SPAG16: variants seen among roughly 807,000 people sequenced by gnomAD.
The protein encoded by SPAG16 is sperm-associated antigen 16 protein.
In SPAG16, 86 loss-of-function variants were observed where a neutral mutation model predicts 80.4. The ratio of observed to expected loss-of-function variants is 1.07; its 90% confidence interval spans 0.90 to 1.28. SPAG16 has a LOEUF of 1.28. Ranked by LOEUF, SPAG16 falls within the 50% of genes most tolerant of loss-of-function variation. The pLI is 0.00. For synonymous variants in SPAG16, 294 were observed against 265.9 expected (o/e 1.11, Z -1.03); for missense variants, 870 against 765.3 (o/e 1.14, Z -1.61).
intron 10 of SPAG16, among the ~76,000 whole-genome samples, chr2:213,539,522 T>C (rs2076358720): frequency 6.6e-6 from 1 of 152,186 alleles, no homozygotes; most frequent in African/African-American, 2.4e-5. Flanking sequence ...GTTTTCACTA[T>C]AGAATGTTTG....
Position 213,572,895 on chromosome 2 carries a change from G to A in SPAG16, c.1070+82805G>A, listed in dbSNP as rs1250885942. Among the ~76,000 whole-genome samples the A allele has an allele frequency of 5.3e-5, 8 of 152,248 alleles. 1 individual carries two copies. The South Asian group carries it at 8.3e-4, about 16-fold the overall frequency. On this transcript the variant is annotated intron_variant, in intron 10 of 15. Transcript: ENST00000331683. ...CTGTGCTAGCAATCAGTGAGACTCC[G>A]TGGGCGTAGGACCCTCCGAGCCAGG...
chr2:213,421,507 G>C (rs977889713), intron 9 of SPAG16, among the ~76,000 whole-genome samples: 1 of 152,166 alleles, frequency 6.6e-6, no homozygotes, highest in African/African-American at 2.4e-5. Context: ...GAAAAATGTG[G>C]GTCCCTGGTG....
At chr2:213,995,417 T>C (rs2046469909) in intron 12 of SPAG16, among the ~76,000 whole-genome samples, 1 of 152,360 alleles carries the variant, frequency 6.6e-6, no homozygotes, top group East Asian at 1.9e-4. Context: ...CTTTCTCTTC[T>C]TGCCATGAAT....
At chr2:213,583,747 T>C (rs750665026) in intron 10 of SPAG16, among the ~76,000 whole-genome samples, 21 of 152,196 alleles carry the variant, frequency 1.4e-4, no homozygotes, top group Admixed American at 3.3e-4. Flanking sequence ...CCATATTTGA[T>C]CTTCATTATG....
intron 15 of SPAG16, among the ~76,000 whole-genome samples, chr2:214,330,915 G>C (rs746000005): frequency 2.0e-5 from 3 of 152,180 alleles, no homozygotes; most frequent in Non-Finnish European, 4.4e-5. Context: ...TCATCTGGGA[G>C]CAGCACCTCA....
intron 10 of SPAG16, among the ~76,000 whole-genome samples, chr2:213,767,523 A>C (rs1427432223): frequency 2.6e-5 from 4 of 152,046 alleles, no homozygotes; most frequent in African/African-American, 9.7e-5. Flanking sequence ...AAAATAAATT[A>C]GCCAGGCGGT....
chr2:213,432,107 A>G (rs1490581710), intron 9 of SPAG16, among the ~76,000 whole-genome samples: 1 of 152,156 alleles, frequency 6.6e-6, no homozygotes, highest in Non-Finnish European at 1.5e-5. Flanking sequence ...GCTCAGAGGC[A>G]AGTTGATAGG....
intron 13 of SPAG16, among the ~76,000 whole-genome samples, chr2:214,073,232 C>CTT (rs67988930): frequency 7.1e-6 from 1 of 141,072 alleles, no homozygotes; most frequent in Non-Finnish European, 1.6e-5. Flanking sequence ...GAAATTTTTT[C>CTT]TTTTTTTTTT....
At chr2:213,918,642 A>C (rs1298976265) in intron 11 of SPAG16, among the ~76,000 whole-genome samples, 1 of 152,152 alleles carries the variant, frequency 6.6e-6, no homozygotes, top group Non-Finnish European at 1.5e-5. Context: ...CATGTAAGAC[A>C]TGCCTTTTAC....
In SPAG16 at chr2:214,410,227, A is replaced by G. The variant is rs1702224191; in HGVS notation, c.1808A>G (p.Glu603Gly). The G allele has an allele frequency of 6.2e-7, 1 of 1,613,654 alleles. No homozygotes were observed. The highest frequency in any genetic ancestry group is 2.2e-5 in the East Asian group (1 of 44,866). Residue 603 changes from glutamate to glycine, a missense_variant, in exon 16 of 16, where the codon GAA becomes GGA. By Grantham distance (98) the Glu-to-Gly change is moderately conservative (BLOSUM62 -2). Transcript: ENST00000331683. The part of the protein sequence containing the change: ...SGEIHKLMGH[E>G]NEAHTVVFSH... ...GAGATTCACAAATTGATGGGCCACG[A>G]AAACGAGGCACACACGGTTGTGTTT... is the stretch of plus-strand genomic sequence containing the variant.
At chr2:214,165,595 T>A (rs559280786) in intron 15 of SPAG16, among the ~76,000 whole-genome samples, 75 of 146,698 alleles carry the variant, frequency 5.1e-4, no homozygotes, top group Middle Eastern at 3.5e-3. Flanking sequence ...TGCCTGGGCC[T>A]AAACTATTCT....
chr2:214,323,760 T>C (rs1244564497), intron 15 of SPAG16, among the ~76,000 whole-genome samples: 1 of 152,240 alleles, frequency 6.6e-6, no homozygotes, highest in African/African-American at 2.4e-5. Flanking sequence ...CAAATTATTG[T>C]TTCCTTAACA....
In SPAG16 at chr2:213,334,720, A is replaced by T. The variant is rs79915777; in HGVS notation, c.537-5443A>T. On this transcript the variant is annotated intron_variant, in intron 5 of 15. Coordinates refer to ENST00000331683, the MANE Select transcript of SPAG16 (RefSeq NM_024532.5). ...CCAGGCATGGAAAGACAAATTTCAC[A>T]TGTTCTCATTTATCTGTGGAATCTA... 8.5e-3 allele frequency among the ~76,000 whole-genome samples: 1,288 copies of T among 152,340 alleles called. 17 individuals are homozygous for T. The highest frequency in any genetic ancestry group is 0.029 in the African/African-American group (1,201 of 41,578).
At chr2:213,626,499 ATTAGT>A (rs1464782930) in intron 10 of SPAG16, among the ~76,000 whole-genome samples, 17 of 152,176 alleles carry the variant, frequency 1.1e-4, no homozygotes, top group African/African-American at 4.1e-4. Context: ...TATATATAAC[ATTAGT>A]TTAACAGTTG....
At chr2:214,100,431 T>C (rs1016929694) in intron 13 of SPAG16, among the ~76,000 whole-genome samples, 1 of 152,138 alleles carries the variant, frequency 6.6e-6, no homozygotes, top group Admixed American at 6.6e-5. Context: ...GTTTATTATA[T>C]AGGTAAATTG....
intron 9 of SPAG16, among the ~76,000 whole-genome samples, chr2:213,442,715 G>A (rs72939102): frequency 9.2e-5 from 14 of 152,122 alleles, no homozygotes; most frequent in East Asian, 3.9e-4. Context: ...TTGGACACTC[G>A]TAAAAAAATA....
At chr2:213,814,872 A>AATATATATATAT (rs34269015) in intron 10 of SPAG16, among the ~76,000 whole-genome samples, 7 of 148,206 alleles carry the variant, frequency 4.7e-5, no homozygotes, top group African/African-American at 1.5e-4. Flanking sequence ...AACAGCCTTA[A>AATATATATATAT]ATATATATAT....
chr2:214,306,100 T>C lies in SPAG16; in HGVS notation c.1721-104040T>C, dbSNP rs117101707. 4.8e-4 allele frequency among the ~76,000 whole-genome samples: 73 copies of C among 152,290 alleles called. 3 individuals are homozygous for C. In the East Asian group the frequency reaches 8.5e-3, roughly 18 times the overall value. On this transcript the variant is annotated intron_variant, in intron 15 of 15. Transcript: ENST00000331683. ...ATATAAAGATCTTTCACCTCCCTAA[T>C]AAGCTGTATTCCTAGGCATTTTATT...
At chr2:213,740,724 A>G (rs1425651049) in intron 10 of SPAG16, among the ~76,000 whole-genome samples, 1 of 152,222 alleles carries the variant, frequency 6.6e-6, no homozygotes, top group Non-Finnish European at 1.5e-5. Flanking sequence ...TGGCAAAGTC[A>G]GTAAGAGGAA....
Sources: gnomAD v4.1 joint callset for allele counts (sites outside exome capture counted in the v4.1 genomes callset) on GRCh38, gnomAD v4.1.1 for gene constraint, MANE v1.5 for transcripts, NCBI Gene and HGNC (gene_info 2026-07-23, HGNC 2026-07-21) for gene names.